BRCA1: variants seen among roughly 807,000 people sequenced by gnomAD.
The protein encoded by BRCA1 is breast cancer type 1 susceptibility protein.
BRCA1 carries 140 observed loss-of-function variants against 173.7 expected under a neutral mutation model. That is an observed-to-expected ratio of 0.81 (90% CI 0.70 to 0.93). BRCA1 has a LOEUF of 0.93. Among genes scored for constraint, BRCA1 ranks in the 40% least tolerant of loss-of-function variants. The pLI is 0.00. For missense variants in BRCA1, 1,983 were observed against 2,172.5 expected, an observed-to-expected ratio of 0.91 and a Z score of 1.73; for synonymous variants, 662 against 756.0, an observed-to-expected ratio of 0.88 and a Z score of 2.04.
intron 2 of BRCA1, among the ~76,000 whole-genome samples, chr17:43,118,881 A>G (rs2055418179): frequency 6.6e-6 from 1 of 151,416 alleles, no homozygotes; most frequent in Non-Finnish European, 1.5e-5. Context: ...CTTGTGCCTC[A>G]GCATTCCAAG....
chr17:43,147,078 C>T (rs533685219), intron 1 of BRCA1, among the ~76,000 whole-genome samples: 3 of 152,148 alleles, frequency 2.0e-5, no homozygotes, highest in East Asian at 3.9e-4. Flanking sequence ...GATCTCGGCT[C>T]ACCGCAACCT....
At chr17:43,053,937 T>G (rs889468556) in intron 19 of BRCA1, among the ~76,000 whole-genome samples, 1 of 151,282 alleles carries the variant, frequency 6.6e-6, no homozygotes, top group African/African-American at 2.4e-5. Context: ...CCATTGTACT[T>G]CAGCCTGGGC....
In BRCA1 at chr17:43,093,800, T is replaced by C. The variant is rs28897678; in HGVS notation, c.1731A>G (p.Glu577=). 64 of 1,613,536 alleles carry C rather than the reference T, an allele frequency of 4.0e-5. No homozygotes were observed. The highest frequency in any genetic ancestry group is 5.3e-5 in the Non-Finnish European group (62 of 1,179,938). The change falls in exon 10 of 23, where the codon GAA becomes GAG. Residue 577 remains glutamate (E), a synonymous_variant. Transcript: ENST00000357654. ...NPNPIESLEK[E]SAFKTKAEPI... is the part of the protein sequence containing the mutation. ...GTTCAGCTTTCGTTTTGAAAGCAGA[T>C]TCTTTTTCGAGTGATTCTATTGGGT...
chr17:43,061,992 C>T (rs1431268615), intron 18 of BRCA1, among the ~76,000 whole-genome samples: 1 of 152,154 alleles, frequency 6.6e-6, no homozygotes, highest in Non-Finnish European at 1.5e-5. Flanking sequence ...ATTTACTTCT[C>T]ACTGTTCTCA....
intron 1 of BRCA1, chr17:43,144,955 G>A (rs1370087270): frequency 4.9e-6 from 3 of 606,764 alleles, no homozygotes; most frequent in Non-Finnish European, 9.6e-6. Flanking sequence ...CTGCTGCCAG[G>A]ATGCCCAAGA....
At chr17:43,089,432 A>T (rs1218586185) in intron 11 of BRCA1, among the ~76,000 whole-genome samples, 4 of 152,208 alleles carry the variant, frequency 2.6e-5, no homozygotes, top group African/African-American at 9.6e-5. Context: ...TTAGTACATA[A>T]ACATTTCATA....
At chr17:43,091,135 G>T in intron 10 of BRCA1, 103 bp from the exon 11 acceptor site, 1 of 1,146,824 alleles carries the variant, frequency 8.7e-7, no homozygotes, top group Non-Finnish European at 1.3e-6. Context: ...TTACTTTCAT[G>T]TCACACAAAA....
upstream of BRCA1, chr17:43,125,835 C>CCT: frequency 6.4e-6 from 1 of 155,336 alleles, no homozygotes; most frequent in Admixed American, 6.4e-5. Context: ...GCATGCGTTG[C>CCT]GGAATGAAAG....
chr17:43,044,898 G>A lies in BRCA1; in HGVS notation c.*780C>T. 2 of 479,620 alleles carry A rather than the reference G, an allele frequency of 4.2e-6. No homozygotes were observed. The highest frequency in any genetic ancestry group is 8.2e-6 in the Non-Finnish European group (2 of 243,826). 29.7% of individuals were successfully genotyped at this position (479,620 alleles called of 1,614,324 possible). A position where few individuals can be genotyped will look rare whatever the true frequency, so the allele number is the denominator to read the frequency against. On this transcript the variant is annotated 3_prime_UTR_variant, in exon 23 of 23. Transcript: ENST00000357654. ...GGCTCACTGCAACCTCCACCTCCCG[G>A]GCTGAAGTGATTCTCCTGCCTTAGC...
intron 3 of BRCA1, among the ~76,000 whole-genome samples, chr17:43,109,988 G>A (rs2054964752): frequency 6.6e-6 from 1 of 151,676 alleles, no homozygotes; most frequent in South Asian, 2.1e-4. Flanking sequence ...TCTGCCTCCT[G>A]GGTTCACGCC....
At chr17:43,075,192 T>C (rs1159970920) in intron 13 of BRCA1, among the ~76,000 whole-genome samples, 1 of 152,110 alleles carries the variant, frequency 6.6e-6, no homozygotes, top group East Asian at 1.9e-4. Context: ...TCTAAATGGA[T>C]ATGTTAGAAT....
At position 43,091,872 on chromosome 17, in the gene BRCA1, T is replaced by A. The variant is rs766572561; in HGVS notation, c.3659A>T (p.Asp1220Val). 1.3e-5 allele frequency: 21 copies of A among 1,614,078 alleles called. No homozygotes were observed. The highest frequency in any genetic ancestry group is 7.6e-6 in the Non-Finnish European group (9 of 1,180,050). Reference protein sequence around the residue: ...ESSEENLSSEDEELPCFQHLL... With the variant: ...ESSEENLSSEVEELPCFQHLL... The stretch of plus-strand genomic sequence containing the variant: ...GTGTTGGAAGCAGGGAAGCTCTTCA[T>A]CCTCACTAGATAAGTTCTCTTCTGA... Residue 1220 changes from aspartate to valine, a missense_variant, in exon 10 of 23, where the codon GAT (aspartate) becomes GTT (valine). By Grantham distance (152) the Asp-to-Val change is radical. Coordinates refer to ENST00000357654, the MANE Select transcript of BRCA1 (RefSeq NM_007294.4).
intron 11 of BRCA1, among the ~76,000 whole-genome samples, chr17:43,087,643 C>T (rs1597853879): frequency 8.2e-6 from 1 of 122,508 alleles, no homozygotes; most frequent in South Asian, 2.5e-4. Context: ...GCCTGGGCAA[C>T]AAGAGTGAAA....
chr17:43,128,947 C>T (rs932267924), upstream of BRCA1, among the ~76,000 whole-genome samples: 10 of 152,064 alleles, frequency 6.6e-5, no homozygotes, highest in African/African-American at 2.4e-4. Context: ...CATGAGCCAC[C>T]ACTCCCGGCC....
chr17:43,143,765 C>G (rs1487775988), intron 1 of BRCA1, among the ~76,000 whole-genome samples: 3 of 152,110 alleles, frequency 2.0e-5, no homozygotes, highest in Admixed American at 1.3e-4. Context: ...TAGGGCAGTA[C>G]ACGTGAATGG....
Position 43,153,794 on chromosome 17 carries a change from T to C in BRCA1, c.-20+16332A>G, listed in dbSNP as rs1400666813. ...GGCAAGAACACTTTACAGATGGTAC[T>C]GTGTACTCTTATTAGATCACTTCAG... On this transcript the variant is annotated intron_variant, in intron 1 of 7. Coordinates refer to the BRCA1 transcript ENST00000634433. 2.0e-5 allele frequency: 3 copies of C among 152,266 alleles called. No homozygotes were observed. In the East Asian group the frequency reaches 5.8e-4, roughly 29 times the overall value. The allele number at this position is 152,266 out of a possible 1,614,324, so 9.4% of individuals were successfully genotyped here.
chr17:43,079,215 C>G, intron 12 of BRCA1: 1 of 779,630 alleles, frequency 1.3e-6, no homozygotes. Flanking sequence ...AAATGAAAGG[C>G]AGAGGGAAGG....
At chr17:43,096,571 CAAA>C (rs34226398) in intron 8 of BRCA1, among the ~76,000 whole-genome samples, 3 of 89,546 alleles carry the variant, frequency 3.4e-5, no homozygotes, top group Admixed American at 1.2e-4. Context: ...ACCCCGTCTC[CAAA>C]AAAAAAAAAA....
In BRCA1 at chr17:43,090,058, AAAG is replaced by A. The variant is rs200781379; in HGVS notation, c.4185+883_4185+885del. On this transcript the variant is annotated intron_variant, in intron 11 of 22. Coordinates refer to ENST00000357654, the MANE Select transcript of BRCA1 (RefSeq NM_007294.4). ...ACTAGATTTTAAAAGGGAAAAAAAA[AAAG>A]AAGAAGAGAAAGAAGTATCCACAAA... Among the ~76,000 whole-genome samples the A allele has an allele frequency of 0.31, 46,822 of 150,510 alleles. 7,505 individuals carry two copies. The highest frequency in any genetic ancestry group is 0.49 in the South Asian group (2,299 of 4,726).
Sources: allele counts gnomAD v4.1 joint callset (sites outside exome capture counted in the v4.1 genomes callset), GRCh38; gene constraint gnomAD v4.1.1; transcripts MANE v1.5; gene names NCBI Gene and HGNC (gene_info 2026-07-23, HGNC 2026-07-21).